TANC1: variants seen among roughly 807,000 people sequenced by gnomAD.
TANC1 encodes the protein tetratricopeptide repeat, ankyrin repeat and coiled-coil containing 1.
TANC1 carries 77 observed loss-of-function variants against 149.7 expected under a neutral mutation model. The ratio of observed to expected loss-of-function variants is 0.51; its 90% CI spans 0.43 to 0.62. The LOEUF (loss-of-function observed/expected upper bound fraction) is 0.62, where lower values mean the gene tolerates loss of function less well. Ranked by LOEUF, TANC1 falls within the 20% of genes least tolerant of loss-of-function variation. The probability of loss-of-function intolerance (pLI) is 0.00; values close to 1 mark genes in which losing one functional copy is unlikely to be tolerated. For missense variants in TANC1, 1,985 were observed against 2,321.8 expected, an observed-to-expected ratio of 0.85 and a Z score of 2.98; for synonymous variants, 854 against 925.0, an observed-to-expected ratio of 0.92 and a Z score of 1.39.
chr2:159,054,331 A>G (rs2041691446), intron 2 of TANC1, among the ~76,000 whole-genome samples: 1 of 152,164 alleles, frequency 6.6e-6, no homozygotes. Flanking sequence ...ATGCATGGTA[A>G]GTGCTTAGAA....
rs199599678 is a variant in TANC1, at chr2:159,219,972, C to CAGAGAG, written c.3678+106_3678+111dup. 3 of 773,536 alleles carry CAGAGAG rather than the reference C, an allele frequency of 3.9e-6. No homozygotes were observed. The African/African-American group carries it at 5.6e-5, about 14-fold the overall frequency. The allele number at this position is 773,536 out of a possible 1,614,324, so 47.9% of individuals were successfully genotyped here. ...GCATGAGGTTGTGTCTCAGTGTCAT[C>CAGAGAG]AGAGAGTGTGTGTGTGTGTGTGTGT... On this transcript the variant is annotated intron_variant, in intron 22 of 26. Coordinates refer to ENST00000263635, the MANE Select transcript of TANC1 (RefSeq NM_033394.3).
At chr2:159,097,552 C>T in intron 3 of TANC1, 85 bp from the exon 4 acceptor site, 1 of 1,029,482 alleles carries the variant, frequency 9.7e-7, no homozygotes, top group South Asian at 1.4e-5. Context: ...GAATTATATT[C>T]TGAGAATATA....
Position 159,170,605 on chromosome 2 carries a change from T to C in TANC1, c.1151T>C (p.Val384Ala). 1 of 1,614,102 alleles carries C rather than the reference T, an allele frequency of 6.2e-7. No individual in the cohort carries two copies. Among genetic ancestry groups the C allele is most frequent in the Non-Finnish European group, 8.5e-7 (1 of 1,180,014 alleles). The stretch of plus-strand genomic sequence containing the variant: ...GTACCAAGCATAACAACAGACTCTG[T>C]GTTTGTGGGAAGGGATTGGCTCTTT... ...FEVPSITTDS[V>A]FVGRDWLFHQ... is the part of the protein sequence containing the mutation. The change falls in exon 10 of 27, where the codon GTG (valine) becomes GCG (alanine). Residue 384 changes from valine to alanine, a missense_variant. Physicochemically the swap from Val to Ala is moderately conservative, Grantham distance 64. Around this residue, in one of 3 missense-constraint regions of TANC1, gnomAD observed 557 missense variants for 612.9 expected, o/e 0.91. Transcript: ENST00000263635.
At chr2:159,036,122 C>G (rs1177055618) in intron 2 of TANC1, among the ~76,000 whole-genome samples, 1 of 152,154 alleles carries the variant, frequency 6.6e-6, no homozygotes, top group Non-Finnish European at 1.5e-5. Flanking sequence ...GAAGGACATG[C>G]AGCAGCTGGG....
At chr2:159,087,133 A>T (rs2044975002) in intron 3 of TANC1, among the ~76,000 whole-genome samples, 1 of 131,684 alleles carries the variant, frequency 7.6e-6, no homozygotes, top group Non-Finnish European at 1.7e-5. Flanking sequence ...CTGTGGGGTG[A>T]AGGATGTGGT....
intron 4 of TANC1, among the ~76,000 whole-genome samples, chr2:159,098,247 T>C (rs116460068): frequency 0.011 from 1,642 of 152,340 alleles, 22 homozygotes; most frequent in South Asian, 0.033. Flanking sequence ...TGTTTAGATA[T>C]GCAGATACTT....
At chr2:159,118,699 A>AT (rs1489350187) in intron 4 of TANC1, among the ~76,000 whole-genome samples, 1 of 152,146 alleles carries the variant, frequency 6.6e-6, no homozygotes, top group Non-Finnish European at 1.5e-5. Context: ...ACACAAGCAA[A>AT]TGTAGCCTTG....
At chr2:159,056,004 C>A in intron 2 of TANC1, 1 of 311,012 alleles carries the variant, frequency 3.2e-6, no homozygotes, top group South Asian at 3.9e-5. Context: ...AGCATAAAAG[C>A]TTGTTGCCCC....
chr2:158,985,831 A>G (rs1214020722), intron 1 of TANC1, among the ~76,000 whole-genome samples: 1 of 151,932 alleles, frequency 6.6e-6, no homozygotes, highest in Non-Finnish European at 1.5e-5. Flanking sequence ...TTTAGTAGAG[A>G]CTGGGTTTCA....
chr2:159,207,376 G>A lies in TANC1; in HGVS notation c.3244+8323G>A, dbSNP rs2058676111. ...TTGGATGCTTTAGATATTTTTAAAG[G>A]TGACTTCCTGGAGGCAGCATTGTAG... On this transcript the variant is annotated intron_variant, in intron 19 of 26. Coordinates refer to ENST00000263635, the MANE Select transcript of TANC1 (RefSeq NM_033394.3). Among the ~76,000 whole-genome samples the A allele has an allele frequency of 2.0e-5, 3 of 152,116 alleles. No homozygotes were observed. In the South Asian group the frequency reaches 6.2e-4, roughly 32 times the overall value.
At chr2:158,971,807 AC>A (rs1393602039) in intron 1 of TANC1, among the ~76,000 whole-genome samples, 1 of 152,116 alleles carries the variant, frequency 6.6e-6, no homozygotes, top group Non-Finnish European at 1.5e-5. Context: ...TTTATCCCTA[AC>A]CCTTTATTTG....
intron 22 of TANC1, among the ~76,000 whole-genome samples, chr2:159,223,088 TA>T (rs2059802811): frequency 6.6e-6 from 1 of 152,170 alleles, no homozygotes; most frequent in African/African-American, 2.4e-5. Context: ...GTATTTTTAG[TA>T]GAGATGGGGT....
In TANC1 at chr2:159,094,281, C is replaced by G. The variant is rs886246344; in HGVS notation, c.62-3356C>G. On this transcript the variant is annotated intron_variant, in intron 3 of 26. Coordinates refer to ENST00000263635, the MANE Select transcript of TANC1 (RefSeq NM_033394.3). The stretch of plus-strand genomic sequence containing the variant: ...GCTCTCTTCAAACCACATGGAAAAC[C>G]AGTGTCACCTCTTCAAGGTCCCCCA... Among the ~76,000 whole-genome samples, 6 of 152,292 alleles carry G rather than the reference C, an allele frequency of 3.9e-5. No individual in the cohort carries two copies. In the South Asian group the frequency reaches 1.0e-3, roughly 26 times the overall value.
At chr2:159,016,643 T>C (rs1425790020) in intron 2 of TANC1, among the ~76,000 whole-genome samples, 1 of 151,764 alleles carries the variant, frequency 6.6e-6, no homozygotes, top group African/African-American at 2.4e-5. Context: ...GGTGTGATCT[T>C]GGCTCACTGC....
intron 3 of TANC1, among the ~76,000 whole-genome samples, chr2:159,073,547 A>G (rs2149739740): frequency 6.6e-6 from 1 of 152,340 alleles, no homozygotes; most frequent in South Asian, 2.1e-4. Flanking sequence ...ATGTGTATGT[A>G]TAAATGCCAT....
At chr2:159,080,547 A>G (rs756589780) in intron 3 of TANC1, among the ~76,000 whole-genome samples, 2 of 152,132 alleles carry the variant, frequency 1.3e-5, no homozygotes, top group Non-Finnish European at 2.9e-5. Context: ...CTCAGTAACT[A>G]TACCTGGTAT....
rs2040178240 is a variant in TANC1 at position 159,036,181 on chromosome 2, G to T, written c.-15-29715G>T. Among the ~76,000 whole-genome samples, 8 of 152,230 alleles carry T rather than the reference G, an allele frequency of 5.3e-5. No individual in the cohort carries two copies. In the South Asian group the frequency reaches 1.5e-3, roughly 28 times the overall value. On this transcript the variant is annotated intron_variant, in intron 2 of 26. Coordinates refer to ENST00000263635, the MANE Select transcript of TANC1 (RefSeq NM_033394.3). ...AGGGCCCTCTCCCTTTTATGAGCCTGTCCTGGGAAACCTCAGGTATTTGAG... is the reference window on the plus strand; with the variant it reads ...AGGGCCCTCTCCCTTTTATGAGCCTTTCCTGGGAAACCTCAGGTATTTGAG...
At chr2:159,121,029 G>A (rs2048797087) in intron 4 of TANC1, among the ~76,000 whole-genome samples, 2 of 152,106 alleles carry the variant, frequency 1.3e-5, no homozygotes, top group South Asian at 4.1e-4. Context: ...TAGGTTCCAG[G>A]GAGTATGTCT....
chr2:159,176,706 A>G (rs567174927), intron 13 of TANC1, among the ~76,000 whole-genome samples, 188 bp downstream of exon 13: 1 of 152,322 alleles, frequency 6.6e-6, no homozygotes, highest in East Asian at 1.9e-4. Flanking sequence ...AGGTATATTT[A>G]TCAAGATGTC....
Sources: allele counts gnomAD v4.1 joint callset (sites outside exome capture counted in the v4.1 genomes callset), GRCh38; gene constraint gnomAD v4.1.1; regional missense constraint gnomAD v4.1.1; transcripts MANE v1.5; gene names NCBI Gene and HGNC (gene_info 2026-07-23, HGNC 2026-07-21).